APC2: variants seen among roughly 807,000 people sequenced by gnomAD.
The protein encoded by APC2 is adenomatous polyposis coli protein 2.
Under a neutral mutation model 72.5 loss-of-function variants are expected in APC2, and 41 were observed. That is an observed-to-expected ratio of 0.57 (90% CI 0.44 to 0.73). The LOEUF is 0.73. Ranked by LOEUF, APC2 falls within the 30% of genes least tolerant of loss-of-function variation. The pLI is 0.00. For missense variants in APC2, 3,729 were observed against 3,403.4 expected (o/e 1.10, Z -2.38); for synonymous variants, 1,898 against 1,612.0 (o/e 1.18, Z -4.25).
intron 4 of APC2, among the ~76,000 whole-genome samples, 188 bp from the exon 5 acceptor site, chr19:1,454,961 C>T (rs890131871): frequency 1.6e-4 from 24 of 149,386 alleles, no homozygotes; most frequent in African/African-American, 5.5e-4. Flanking sequence ...AATTTTTTTG[C>T]ATCCCCCAGT....
chr19:1,466,264 C>A lies in APC2; in HGVS notation c.2963C>A (p.Ala988Asp). ...GCCCGCGAGGCCACCTCCGCCGACGCCCGCGTGCGCACCATCAAGCTGTCG... is the reference window on the plus strand; with the variant it reads ...GCCCGCGAGGCCACCTCCGCCGACGACCGCGTGCGCACCATCAAGCTGTCG... ...PPAREATSAD[A>D]RVRTIKLSPT... The change falls in exon 15 of 15, where the codon GCC becomes GAC. Residue 988 changes from alanine to aspartate, a missense_variant. Physicochemically the swap from Ala to Asp is moderately radical, Grantham distance 126 (BLOSUM62 -2). Transcript: ENST00000590469. 1 of 1,528,740 alleles carries A rather than the reference C, an allele frequency of 6.5e-7. No homozygotes were observed. Among genetic ancestry groups the A allele is most frequent in the Non-Finnish European group, 8.7e-7 (1 of 1,144,588 alleles). 94.7% of individuals were successfully genotyped at this position (1,528,740 alleles called of 1,614,324 possible). A position where few individuals can be genotyped will look rare whatever the true frequency, so the allele number is the denominator to read the frequency against.
In APC2 at chr19:1,469,437, C is replaced by T. The variant is rs2084091345; in HGVS notation, c.6136C>T (p.Leu2046Phe). The part of the protein sequence containing the change: ...VFLCSSRCEE[L>F]RAAPRQGPAP... ...CCTCTGCTCCTCGCGCTGCGAAGAG[C>T]TCCGAGCGGCACCCCGGCAGGGCCC... The change falls in exon 15 of 15, where the codon CTC (leucine) becomes TTC (phenylalanine). Residue 2046 changes from leucine to phenylalanine, a missense_variant. Transcript: ENST00000590469. 3 of 1,169,062 alleles carry T rather than the reference C, an allele frequency of 2.6e-6. No homozygotes were observed. Among genetic ancestry groups the T allele is most frequent in the African/African-American group, 1.6e-5 (1 of 60,940 alleles). 72.4% of individuals were successfully genotyped at this position (1,169,062 alleles called of 1,614,324 possible).
Position 1,469,025 on chromosome 19 carries a change from G to A in APC2, c.5724G>A (p.Val1908=). 1 of 1,545,738 alleles carries A rather than the reference G, an allele frequency of 6.5e-7. No individual in the cohort carries two copies. Among genetic ancestry groups the A allele is most frequent in the South Asian group, 1.2e-5 (1 of 82,954 alleles). The stretch of plus-strand genomic sequence containing the variant: ...TGCCCGGCCCCGGAGCCTCCCCGGT[G>A]CCCAAAACGCCGGCGCGCACCCTTC... The part of the protein sequence containing the change: ...GALPGPGASP[V]PKTPARTLLA... The change falls in exon 15 of 15, where the codon GTG becomes GTA. Residue 1908 remains valine, a synonymous_variant. Coordinates refer to ENST00000590469, the MANE Select transcript of APC2 (RefSeq NM_005883.3).
rs1320057909 is a variant in APC2 at position 1,468,940 on chromosome 19, C to T, written c.5639C>T (p.Ser1880Leu). ...CCCTCCTCCAGCTCCTCCCAGACCTCGCCCGCCTCCCAGCCCCTGCCCAGA... is the reference window on the plus strand; with the variant it reads ...CCCTCCTCCAGCTCCTCCCAGACCTTGCCCGCCTCCCAGCCCCTGCCCAGA... ...KTPSSSSSQT[S>L]PASQPLPRKR... is the part of the protein sequence containing the mutation. Residue 1880 changes from serine to leucine, a missense_variant, in exon 15 of 15, where the codon TCG becomes TTG. Transcript: ENST00000590469. The T allele has an allele frequency of 1.3e-6, 2 of 1,541,908 alleles. No individual in the cohort carries two copies. Among genetic ancestry groups the T allele is most frequent in the African/African-American group, 1.4e-5 (1 of 71,110 alleles).
chr19:1,465,577 C>T lies in APC2; in HGVS notation c.2276C>T (p.Pro759Leu). 6.4e-7 allele frequency: 1 copy of T among 1,565,594 alleles called. No individual in the cohort carries two copies. Among genetic ancestry groups the T allele is most frequent in the South Asian group, 1.2e-5 (1 of 85,390 alleles). The change falls in exon 15 of 15, where the codon CCG becomes CTG. Residue 759 changes from proline (P) to leucine (L), a missense_variant. By Grantham distance (98) the Pro-to-Leu change is moderately conservative. Transcript: ENST00000590469. ...GAGGCCGCCACTAAGAAGCCGCTGC[C>T]GCCCCTGCGACACCTGGACGGCCTG... ...AAEAATKKPL[P>L]PLRHLDGLAQ...
chr19:1,457,328 C>G, intron 9 of APC2, 85 bp downstream of exon 9: 2 of 1,437,750 alleles, frequency 1.4e-6, no homozygotes, highest in Non-Finnish European at 1.8e-6. Context: ...GGACCTCCAG[C>G]CTTTGCTGCC....
intron 14 of APC2, among the ~76,000 whole-genome samples, chr19:1,463,279 A>G (rs1347093228): frequency 6.6e-6 from 1 of 151,666 alleles, no homozygotes; most frequent in Non-Finnish European, 1.5e-5. Flanking sequence ...ATAGCCAGGC[A>G]TGGTGGCGGG....
intron 12 of APC2, 86 bp downstream of exon 12, chr19:1,460,943 GT>G: frequency 6.3e-7 from 1 of 1,593,458 alleles, no homozygotes; most frequent in East Asian, 2.2e-5. Flanking sequence ...GCTGGCAGGG[GT>G]GTCCCGTCCG....
chr19:1,454,943 T>G (rs1300256596), intron 4 of APC2, among the ~76,000 whole-genome samples: 2 of 151,450 alleles, frequency 1.3e-5, no homozygotes, highest in Non-Finnish European at 2.9e-5. Context: ...GACTGTTTTC[T>G]CTCCTTTAAT....
upstream of APC2, among the ~76,000 whole-genome samples, chr19:1,449,201 G>C (rs1309218000): frequency 2.0e-5 from 3 of 152,164 alleles, no homozygotes; most frequent in African/African-American, 7.2e-5. Context: ...AGCGGCGAAT[G>C]ATTTGCCCTG....
In APC2 at chr19:1,468,338, C is replaced by T. The variant is rs1191380476; in HGVS notation, c.5037C>T (p.Ser1679=). 7 of 1,561,258 alleles carry T rather than the reference C, an allele frequency of 4.5e-6. No individual in the cohort carries two copies. The South Asian group carries it at 7.1e-5, about 16-fold the overall frequency. ...GEEAAGSDRA[S]DLDSVEWRAI... is the part of the protein sequence containing the mutation. ...AGGCAGCGGGCTCGGACCGGGCCTC[C>T]GACCTGGATAGCGTGGAGTGGCGCG... Residue 1679 remains serine, a synonymous_variant, in exon 15 of 15, where the codon TCC becomes TCT. Coordinates refer to ENST00000590469, the MANE Select transcript of APC2 (RefSeq NM_005883.3).
chr19:1,457,070 T>A lies in APC2; in HGVS notation c.1034T>A (p.Met345Lys). The change falls in exon 9 of 15, where the codon ATG (methionine) becomes AAG (lysine). Residue 345 changes from methionine (M) to lysine (K), a missense_variant. Coordinates refer to ENST00000590469, the MANE Select transcript of APC2 (RefSeq NM_005883.3). The part of the protein sequence containing the change: ...PGAPGAKDAR[M>K]RANAALHNIV... ...GCACCGGGCGCCAAGGACGCACGCATGCGCGCCAACGCGGCGCTGCACAAC... is the reference window on the plus strand; with the variant it reads ...GCACCGGGCGCCAAGGACGCACGCAAGCGCGCCAACGCGGCGCTGCACAAC... 1 of 1,550,432 alleles carries A rather than the reference T, an allele frequency of 6.4e-7. No individual in the cohort carries two copies.
chr19:1,464,696 G>A (rs1400594839), intron 14 of APC2, among the ~76,000 whole-genome samples: 1 of 144,118 alleles, frequency 6.9e-6, no homozygotes, highest in Admixed American at 7.0e-5. Context: ...GCAGTGGCGC[G>A]ATCTCGGCTC....
chr19:1,452,733 A>T lies in APC2; in HGVS notation c.-18-251A>T. ...GTCAGTTGGACGTTCAGCTGTCTGT[A>T]CGTCTGTCTGCTGGCCCCTCTGTCT... is the stretch of plus-strand genomic sequence containing the variant. On this transcript the variant is annotated intron_variant, in intron 1 of 14. Coordinates refer to ENST00000590469, the MANE Select transcript of APC2 (RefSeq NM_005883.3). This position sits in a 1 kb window ranked among gnomAD's most constrained non-coding sequence, Gnocchi z 5.1. 2.0e-6 allele frequency: 1 copy of T among 500,268 alleles called. No homozygotes were observed. Among genetic ancestry groups the T allele is most frequent in the South Asian group, 2.6e-5 (1 of 38,436 alleles). 31.0% of individuals were successfully genotyped at this position (500,268 alleles called of 1,614,324 possible). A position where few individuals can be genotyped will look rare whatever the true frequency, so the allele number is the denominator to read the frequency against.
rs766720269 is a variant in APC2, at chr19:1,467,274, C to T, written c.3973C>T (p.Pro1325Ser). 4.9e-4 allele frequency: 647 copies of T among 1,308,682 alleles called. No homozygotes were observed. Among genetic ancestry groups the T allele is most frequent in the Middle Eastern group, 4.6e-3 (16 of 3,478 alleles). The allele number at this position is 1,308,682 out of a possible 1,614,324, so 81.1% of individuals were successfully genotyped here. ...FAGHRRREEG[P>S]APTGSRPRGA... ...AGGGCACCGGCGGCGGGAGGAGGGG[C>T]CGGCGCCCACGGGTTCTCGCCCTCG... The change falls in exon 15 of 15, where the codon CCG becomes TCG. Residue 1325 changes from proline (P) to serine (S), a missense_variant. Pro to Ser is a moderately conservative substitution (Grantham distance 74, BLOSUM62 -1). Coordinates refer to ENST00000590469, the MANE Select transcript of APC2 (RefSeq NM_005883.3).
intron 10 of APC2, 109 bp from the exon 11 acceptor site, chr19:1,460,072 G>A: frequency 6.9e-7 from 1 of 1,447,804 alleles, no homozygotes; most frequent in South Asian, 1.3e-5. Flanking sequence ...GGGAACTTGA[G>A]GGCAGGTCTG....
chr19:1,454,796 T>C (rs1380041383), intron 4 of APC2, among the ~76,000 whole-genome samples: 7 of 152,138 alleles, frequency 4.6e-5, no homozygotes, highest in South Asian at 2.1e-4. Flanking sequence ...CTCGATCTCC[T>C]GACCTCGTGA....
rs764005036 is a variant in APC2, at chr19:1,456,348, G to A, written c.760G>A (p.Glu254Lys). 8 of 1,609,356 alleles carry A rather than the reference G, an allele frequency of 5.0e-6. No homozygotes were observed. Among genetic ancestry groups the A allele is most frequent in the African/African-American group, 4.0e-5 (3 of 74,814 alleles). Residue 254 changes from glutamate (E) to lysine (K), a missense_variant, in exon 8 of 15, where the codon GAG becomes AAG. Glu to Lys is a moderately conservative substitution (Grantham distance 56). Transcript: ENST00000590469. ...GTCGGTGCCGGTGGACGAGGACCCC[G>A]AGACAGAGGTCCCCACACACCCTGA... ...VKSVPVDEDP[E>K]TEVPTHPEDG...
At position 1,456,065 on chromosome 19, in the gene APC2, G is replaced by C. The variant is rs1426127179; in HGVS notation, c.640-11G>C. 1.7e-5 allele frequency: 27 copies of C among 1,558,198 alleles called. No individual in the cohort carries two copies. The highest frequency in any genetic ancestry group is 2.3e-5 in the Non-Finnish European group (27 of 1,155,576). ...CAGCTCCAGCACTTGCCCTCGTGTG[G>C]TCCTGAGCAGATCCGCGCCTCGCGC... On this transcript the variant is annotated splice_polypyrimidine_tract_variant and intron_variant, in intron 6 of 14. Transcript: ENST00000590469.
Sources: allele counts gnomAD v4.1 joint callset (sites outside exome capture counted in the v4.1 genomes callset), GRCh38; gene constraint gnomAD v4.1.1; non-coding constraint Gnocchi (gnomAD v3.1); transcripts MANE v1.5; gene names NCBI Gene and HGNC (gene_info 2026-07-23, HGNC 2026-07-21).